MCPH1: variants seen among roughly 807,000 people sequenced by gnomAD.
MCPH1 encodes microcephalin 1, also known as microcephalin.
Under a neutral mutation model 84.5 loss-of-function variants are expected in MCPH1, and 104 were observed. The observed-to-expected ratio is 1.23, with a 90% CI of 1.05 to 1.45. The LOEUF (loss-of-function observed/expected upper bound fraction) is 1.45, where lower values mean the gene tolerates loss of function less well. Ranked by LOEUF, MCPH1 falls within the 40% of genes most tolerant of loss-of-function variation. MCPH1 has a pLI of 0.00. For missense variants in MCPH1, 1,498 were observed against 1,005.7 expected (o/e 1.49, Z -6.62); for synonymous variants, 514 against 366.8 (o/e 1.40, Z -4.58).
chr8:6,513,856 G>A, intron 12 of MCPH1: 1 of 1,593,100 alleles, frequency 6.3e-7, no homozygotes. Flanking sequence ...TGTAATGCAA[G>A]TTGTTAAATT....
chr8:6,414,097 T>C (rs1798908724), intron 2 of MCPH1, among the ~76,000 whole-genome samples: 1 of 152,114 alleles, frequency 6.6e-6, no homozygotes, highest in East Asian at 1.9e-4. Flanking sequence ...TTTTGAATGA[T>C]TGCACTTATT....
At chr8:6,440,935 T>A (rs1221610921) in intron 6 of MCPH1, among the ~76,000 whole-genome samples, 2 of 152,204 alleles carry the variant, frequency 1.3e-5, no homozygotes, top group Non-Finnish European at 2.9e-5. Flanking sequence ...CATTCCATGG[T>A]GTCTTTAAGA....
chr8:6,527,701 TATTA>T, intron 12 of MCPH1: 5 of 1,570,086 alleles, frequency 3.2e-6, no homozygotes, highest in Non-Finnish European at 4.3e-6. Context: ...ATGAAGTTCC[TATTA>T]ATTATTTTTT....
intron 12 of MCPH1, among the ~76,000 whole-genome samples, chr8:6,511,942 G>T (rs182228659): frequency 1.3e-4 from 18 of 138,250 alleles, no homozygotes; most frequent in Admixed American, 1.1e-3. Context: ...ATTCCTAACT[G>T]TTGCCAGTTG....
Position 6,585,375 on chromosome 8 carries a change from G to T in MCPH1, c.2215-36079G>T, listed in dbSNP as rs187617006. Among the ~76,000 whole-genome samples the T allele has an allele frequency of 2.9e-3, 447 of 152,346 alleles. 1 individual carries two copies. Among genetic ancestry groups the T allele is most frequent in the Admixed American group, 7.5e-3 (115 of 15,310 alleles). On this transcript the variant is annotated intron_variant, in intron 12 of 13. Transcript: ENST00000344683. ...GATACTGCAGGGAGGGAGAAGCTGT[G>T]TGTGGCCACCACAGCTGGAAGCGTG...
intron 12 of MCPH1, among the ~76,000 whole-genome samples, chr8:6,587,772 C>G (rs1003909992): frequency 1.3e-5 from 2 of 152,174 alleles, no homozygotes; most frequent in Non-Finnish European, 2.9e-5. Flanking sequence ...TGTGGAGACC[C>G]TGTCCAGAGA....
intron 9 of MCPH1, among the ~76,000 whole-genome samples, chr8:6,473,285 A>T (rs2442490): frequency 0.65 from 95,856 of 146,788 alleles, 35,027 homozygotes; most frequent in Non-Finnish European, 0.82. Context: ...TTCTGTAGCA[A>T]TTTAAGCATT....
chr8:6,635,696 T>G lies in MCPH1; in HGVS notation c.2453-7298T>G, dbSNP rs1435061085. Among the ~76,000 whole-genome samples the G allele has an allele frequency of 2.6e-5, 4 of 152,206 alleles. No individual in the cohort carries two copies. The East Asian group carries it at 7.7e-4, about 29-fold the overall frequency. On this transcript the variant is annotated intron_variant, in intron 13 of 13. Transcript: ENST00000344683. ...TCGGTTCTAAGACCATTGTTAGTGG[T>G]GCAGATACCATTAAAAAGCCCCCCA...
chr8:6,641,941 C>G (rs1387884940), intron 13 of MCPH1, among the ~76,000 whole-genome samples: 1 of 152,128 alleles, frequency 6.6e-6, no homozygotes, highest in Non-Finnish European at 1.5e-5. Context: ...CTCACTGACC[C>G]AGGCCTCCTG....
chr8:6,457,235 A>G (rs1169077521), intron 9 of MCPH1, among the ~76,000 whole-genome samples: 1 of 152,178 alleles, frequency 6.6e-6, no homozygotes, highest in Non-Finnish European at 1.5e-5. Context: ...TTAGAATGTC[A>G]TTTCTGAAAC....
Position 6,424,151 on chromosome 8 carries a change from A to G in MCPH1, c.234-7348A>G, listed in dbSNP as rs78117081. Among the ~76,000 whole-genome samples the G allele has an allele frequency of 4.5e-3, 685 of 152,308 alleles. 6 individuals carry two copies. Among genetic ancestry groups the G allele is most frequent in the African/African-American group, 0.016 (658 of 41,560 alleles). ...GTGTTCATTTTAAGATCAGATGGCA[A>G]TTGATAAAATTCTGACATTTCCTTT... On this transcript the variant is annotated intron_variant, in intron 3 of 13. Coordinates refer to ENST00000344683, the MANE Select transcript of MCPH1 (RefSeq NM_024596.5).
At chr8:6,586,125 C>A (rs965811350) in intron 12 of MCPH1, among the ~76,000 whole-genome samples, 8 of 152,042 alleles carry the variant, frequency 5.3e-5, no homozygotes, top group Non-Finnish European at 1.5e-5. Context: ...CATGCCCACG[C>A]TTTCTGATTT....
rs1798224447 is a variant in MCPH1 at position 6,646,564 on chromosome 8, TACCTC to T, written c.*3518_*3522del. The T allele has an allele frequency of 6.6e-6, 1 of 152,180 alleles. No homozygotes were observed. Among genetic ancestry groups the T allele is most frequent in the Non-Finnish European group, 1.5e-5 (1 of 68,020 alleles). The allele number at this position is 152,180 out of a possible 1,614,324, so 9.4% of individuals were successfully genotyped here. A position where few individuals can be genotyped will look rare whatever the true frequency, so the allele number is the denominator to read the frequency against. On this transcript the variant is annotated 3_prime_UTR_variant, in exon 14 of 14. Transcript: ENST00000344683. Reference sequence around the variant, plus strand: ...AAGAAAAAAAAAGTACTTGGATCCTTACCTCACACCATGCACAAAAATTAGCTCAA... The same window carrying T: ...AAGAAAAAAAAAGTACTTGGATCCTTACACCATGCACAAAAATTAGCTCAA...
intron 11 of MCPH1, among the ~76,000 whole-genome samples, chr8:6,498,248 C>G (rs982435839): frequency 2.6e-5 from 4 of 152,114 alleles, no homozygotes; most frequent in African/African-American, 7.2e-5. Flanking sequence ...GTTGGGCCAA[C>G]CTTTTGTTTT....
At chr8:6,467,581 T>C (rs1310136881) in intron 9 of MCPH1, among the ~76,000 whole-genome samples, 1 of 152,004 alleles carries the variant, frequency 6.6e-6, no homozygotes, top group Non-Finnish European at 1.5e-5. Flanking sequence ...AGGGTTGAAG[T>C]TGTGGTATAA....
chr8:6,416,688 C>G (rs555100967), intron 3 of MCPH1, among the ~76,000 whole-genome samples: 1 of 152,208 alleles, frequency 6.6e-6, no homozygotes, highest in East Asian at 1.9e-4. Context: ...ACGTTGTCAT[C>G]TTGCCTTTTT....
chr8:6,521,290 T>G, intron 12 of MCPH1: 1 of 1,613,936 alleles, frequency 6.2e-7, no homozygotes, highest in Non-Finnish European at 8.5e-7. Flanking sequence ...TTTTTTCTAG[T>G]TCTTCAATGA....
At chr8:6,548,335 C>T (rs576635530) in intron 12 of MCPH1, among the ~76,000 whole-genome samples, 18 of 152,166 alleles carry the variant, frequency 1.2e-4, no homozygotes, top group African/African-American at 4.1e-4. Context: ...TGGTCCCCTG[C>T]CACTTAGATG....
intron 9 of MCPH1, among the ~76,000 whole-genome samples, chr8:6,456,292 G>C (rs1274293238): frequency 6.6e-6 from 1 of 152,170 alleles, no homozygotes; most frequent in Non-Finnish European, 1.5e-5. Context: ...CTCTACAATG[G>C]CGTTGCGCAC....
Sources: gnomAD v4.1 joint callset for allele counts (sites outside exome capture counted in the v4.1 genomes callset) on GRCh38, gnomAD v4.1.1 for gene constraint, MANE v1.5 for transcripts, NCBI Gene and HGNC (gene_info 2026-07-23, HGNC 2026-07-21) for gene names.